The following GPR89B variants were observed in gnomAD, a reference collection of about 807,000 sequenced individuals.
GPR89B encodes the protein G protein-coupled receptor 89B.
A neutral mutation model predicts 52.4 loss-of-function variants in GPR89B; 25 were observed. That is an observed-to-expected ratio of 0.48 (90% CI 0.35 to 0.67). The LOEUF (loss-of-function observed/expected upper bound fraction) is 0.67, where lower values mean the gene tolerates loss of function less well. GPR89B is among the 30% of genes least tolerant of loss of function. The pLI is 0.01. For missense variants in GPR89B, 146 were observed against 450.2 expected, an observed-to-expected ratio of 0.32 and a Z score of 6.11; for synonymous variants, 52 against 151.2, an observed-to-expected ratio of 0.34 and a Z score of 4.81.
chr1:147,998,357 A>G (rs2149100716), downstream of GPR89B, among the ~76,000 whole-genome samples: 1 of 143,226 alleles, frequency 7.0e-6, no homozygotes, highest in South Asian at 2.4e-4. Flanking sequence ...TCTAAGTGAG[A>G]ATACCACCAG....
In GPR89B at chr1:147,942,256, T is replaced by C. The variant is rs1553249056; in HGVS notation, c.207-1182T>C. 3.3e-5 allele frequency among the ~76,000 whole-genome samples: 5 copies of C among 150,074 alleles called. No individual in the cohort carries two copies. In the South Asian group the frequency reaches 6.4e-4, roughly 19 times the overall value. Reference sequence around the variant, plus strand: ...AAGGAAATGCAAATCAAAACCACAATGAGATACCACTTCACACCAACTAAA... The same window carrying C: ...AAGGAAATGCAAATCAAAACCACAACGAGATACCACTTCACACCAACTAAA... On this transcript the variant is annotated intron_variant, in intron 3 of 13. Coordinates refer to ENST00000314163, the MANE Select transcript of GPR89B (RefSeq NM_016334.5).
rs1252879536 is a variant in GPR89B, at chr1:147,991,275, T to C, written c.1096-1227T>C. Among the ~76,000 whole-genome samples, 49 of 152,212 alleles carry C rather than the reference T, an allele frequency of 3.2e-4. No individual in the cohort carries two copies. In the South Asian group the frequency reaches 9.3e-3, roughly 29 times the overall value. ...GTCTGTTATTGGTGTATAAGAATGCTTGTGATTTTTGCACATTGATTTTGT... is the reference window on the plus strand; with the variant it reads ...GTCTGTTATTGGTGTATAAGAATGCCTGTGATTTTTGCACATTGATTTTGT... On this transcript the variant is annotated intron_variant, in intron 12 of 13. Transcript: ENST00000314163.
At chr1:147,968,156 T>A in intron 8 of GPR89B, 1 of 416,936 alleles carries the variant, frequency 2.4e-6, no homozygotes, top group South Asian at 1.8e-5. Context: ...ATCAGGACTA[T>A]TTAACCTCCC....
At chr1:148,014,687 G>A in the GPR89B span, 1 of 151,916 alleles carries the variant, frequency 6.6e-6, no homozygotes, top group African/African-American at 2.4e-5. Flanking sequence ...CTCCGCCAAA[G>A]ATTCCACGGA....
the GPR89B span, among the ~76,000 whole-genome samples, chr1:148,017,102 C>T: frequency 7.2e-3 from 1,099 of 151,648 alleles, 7 homozygotes; most frequent in Non-Finnish European, 0.012. Flanking sequence ...AGTGCAGTGG[C>T]GCGATATTGG....
At chr1:147,978,182 C>CT (rs1390850534) in intron 10 of GPR89B, among the ~76,000 whole-genome samples, 3 of 151,582 alleles carry the variant, frequency 2.0e-5, no homozygotes, top group African/African-American at 7.3e-5. Context: ...TTTGTGGGGT[C>CT]TTTTTTTGTT....
the GPR89B span, among the ~76,000 whole-genome samples, chr1:148,003,534 AC>A: frequency 3.3e-5 from 5 of 151,880 alleles, no homozygotes; most frequent in African/African-American, 1.2e-4. Context: ...ATTTCCCCCT[AC>A]CCCCGCCCCA....
the GPR89B span, among the ~76,000 whole-genome samples, chr1:148,023,081 T>TCTCC: frequency 2.0e-5 from 3 of 151,504 alleles, no homozygotes; most frequent in African/African-American, 7.3e-5. Flanking sequence ...TTCAACCCAC[T>TCTCC]CTCCCTCCCT....
the GPR89B span, among the ~76,000 whole-genome samples, chr1:148,013,662 C>A: frequency 2.8e-3 from 423 of 152,026 alleles, 9 homozygotes; most frequent in African/African-American, 9.8e-3. Context: ...CCAGGAGGAG[C>A]GAGGAGTCCT....
chr1:147,979,166 G>T (rs1292890565), intron 10 of GPR89B, among the ~76,000 whole-genome samples: 1 of 151,972 alleles, frequency 6.6e-6, no homozygotes, highest in Admixed American at 6.6e-5. Flanking sequence ...ACTCTCCGTG[G>T]GTTGTGCCAA....
At chr1:147,962,766 C>T (rs1196620221) in intron 7 of GPR89B, among the ~76,000 whole-genome samples, 43 of 151,518 alleles carry the variant, frequency 2.8e-4, no homozygotes, top group South Asian at 1.0e-3. Context: ...GGTGTGGTGG[C>T]GGGCACCTGT....
intron 5 of GPR89B, 73 bp downstream of exon 5, chr1:147,944,171 A>T (rs1352869632): frequency 6.4e-7 from 1 of 1,564,988 alleles, no homozygotes; most frequent in South Asian, 1.2e-5. Flanking sequence ...AAAAACAATT[A>T]ATTAAATTTC....
At chr1:148,016,342 C>T in the GPR89B span, among the ~76,000 whole-genome samples, 451 of 74,242 alleles carry the variant, frequency 6.1e-3, 4 homozygotes, top group African/African-American at 0.024. Flanking sequence ...ACTTCCTCTG[C>T]CCTCAGTACC....
chr1:147,951,999 G>T (rs1655751726), intron 5 of GPR89B, among the ~76,000 whole-genome samples: 1 of 152,084 alleles, frequency 6.6e-6, no homozygotes, highest in Non-Finnish European at 1.5e-5. Flanking sequence ...CATGACCATA[G>T]TGTAGAGTGA....
At chr1:148,014,148 C>T in the GPR89B span, among the ~76,000 whole-genome samples, 1 of 151,228 alleles carries the variant, frequency 6.6e-6, no homozygotes. Context: ...CACGGTTCCA[C>T]GCTGGGTGGA....
chr1:147,928,744 C>G (rs1417135543), intron 1 of GPR89B, 166 bp downstream of exon 1: 2 of 607,698 alleles, frequency 3.3e-6, no homozygotes, highest in Non-Finnish European at 4.1e-6. Context: ...GCGGCCGGTT[C>G]CCTCAGCCCC....
intron 5 of GPR89B, among the ~76,000 whole-genome samples, chr1:147,949,918 C>T (rs1317068514): frequency 4.7e-5 from 6 of 127,920 alleles, no homozygotes; most frequent in Admixed American, 1.5e-4. Flanking sequence ...GCTGGCCGGG[C>T]GGGGGGCTGA....
Position 147,961,917 on chromosome 1 carries a change from A to G in GPR89B, c.618-4637A>G, listed in dbSNP as rs1282402112. ...TACAAATTTAATGTTATTCATTTCA[A>G]AATCCCAGCAAGATTTATTTGTAGA... On this transcript the variant is annotated intron_variant, in intron 7 of 13. Coordinates refer to ENST00000314163, the MANE Select transcript of GPR89B (RefSeq NM_016334.5). Among the ~76,000 whole-genome samples, 1,168 of 152,140 alleles carry G rather than the reference A, an allele frequency of 7.7e-3. 9 individuals carry two copies. The highest frequency in any genetic ancestry group is 0.026 in the African/African-American group (1,094 of 41,418).
intron 3 of GPR89B, among the ~76,000 whole-genome samples, chr1:147,941,477 G>C (rs587701671): frequency 6.6e-6 from 1 of 151,698 alleles, no homozygotes; most frequent in Non-Finnish European, 1.5e-5. Context: ...CTCCCTGTAG[G>C]GTAGCTTTTA....
Sources: gnomAD v4.1 joint callset for allele counts (sites outside exome capture counted in the v4.1 genomes callset) on GRCh38, gnomAD v4.1.1 for gene constraint, MANE v1.5 for transcripts, NCBI Gene and HGNC (gene_info 2026-07-23, HGNC 2026-07-21) for gene names.